Variants in FAM81A observed in about 807,000 individuals in gnomAD.
FAM81A encodes the protein protein FAM81A.
Under a neutral mutation model 46.7 loss-of-function variants are expected in FAM81A, and 19 were observed. The ratio of observed to expected loss-of-function variants is 0.41; its 90% CI spans 0.28 to 0.60. The LOEUF (loss-of-function observed/expected upper bound fraction) is 0.60, where lower values mean the gene tolerates loss of function less well. FAM81A is among the 20% of genes least tolerant of loss of function. The probability of loss-of-function intolerance (pLI) is 0.34; values close to 1 mark genes in which losing one functional copy is unlikely to be tolerated. For synonymous variants in FAM81A, 183 were observed against 152.9 expected (o/e 1.20, Z -1.45); for missense variants, 377 against 453.5 (o/e 0.83, Z 1.53).
At chr15:59,487,319 A>G (rs1241850825) in intron 3 of FAM81A, among the ~76,000 whole-genome samples, 1 of 149,862 alleles carries the variant, frequency 6.7e-6, no homozygotes, top group Non-Finnish European at 1.5e-5. Context: ...AAAAAAGAAG[A>G]AACCTTCAAA....
Position 59,521,242 on chromosome 15 carries a change from C to G in FAM81A, c.983-12C>G, listed in dbSNP as rs368331735. On this transcript the variant is annotated splice_polypyrimidine_tract_variant and intron_variant, in intron 8 of 8. Coordinates refer to ENST00000288228, the MANE Select transcript of FAM81A (RefSeq NM_152450.3). ...AATTGTTAACTGTTGTGAAATTTAC[C>G]TCTCCTTCAAGGGTTTACAGCCGTC... 1 of 1,598,278 alleles carries G rather than the reference C, an allele frequency of 6.3e-7. No homozygotes were observed. The highest frequency in any genetic ancestry group is 1.4e-5 in the African/African-American group (1 of 73,680).
intron 1 of FAM81A, among the ~76,000 whole-genome samples, chr15:59,398,178 TTA>T (rs1273602193): frequency 1.3e-5 from 2 of 152,156 alleles, no homozygotes; most frequent in African/African-American, 4.8e-5. Context: ...CAGATATGAG[TTA>T]TGTTAGGTGA....
chr15:59,465,878 A>T (rs2081606681), intron 3 of FAM81A, among the ~76,000 whole-genome samples: 1 of 151,938 alleles, frequency 6.6e-6, no homozygotes, highest in South Asian at 2.1e-4. Context: ...CCGGTGTGTG[A>T]TGTTCCCTGC....
At chr15:59,490,129 A>AG (rs1284149729) in intron 3 of FAM81A, among the ~76,000 whole-genome samples, 1 of 152,090 alleles carries the variant, frequency 6.6e-6, no homozygotes, top group Non-Finnish European at 1.5e-5. Context: ...AAAAAAAAAA[A>AG]CTTAAATCTA....
chr15:59,401,919 C>CTTTT, intron 1 of FAM81A: 2 of 757,160 alleles, frequency 2.6e-6, no homozygotes, highest in Non-Finnish European at 4.9e-6. Context: ...AGCCTCTCGA[C>CTTTT]TTTCTTTCTT....
intron 1 of FAM81A, 34 bp from the exon 2 acceptor site, chr15:59,458,516 C>T (rs1271258079): frequency 6.7e-7 from 1 of 1,495,306 alleles, no homozygotes; most frequent in Non-Finnish European, 9.2e-7. Flanking sequence ...TAGATATAAA[C>T]TGTTAAATAA....
intron 3 of FAM81A, among the ~76,000 whole-genome samples, chr15:59,465,564 C>T (rs941946857): frequency 2.0e-5 from 3 of 152,184 alleles, no homozygotes; most frequent in African/African-American, 7.2e-5. Flanking sequence ...TGAGCCATTG[C>T]GCCTGGCCCT....
At chr15:59,428,819 T>C (rs2081206682) in intron 2 of FAM81A, among the ~76,000 whole-genome samples, 1 of 151,810 alleles carries the variant, frequency 6.6e-6, no homozygotes, top group African/African-American at 2.4e-5. Context: ...TTAGTAGAGA[T>C]GGGGTTTTGC....
intron 3 of FAM81A, among the ~76,000 whole-genome samples, chr15:59,471,123 A>T (rs545628683): frequency 1.3e-5 from 2 of 152,184 alleles, no homozygotes; most frequent in East Asian, 3.9e-4. Context: ...CTGAGAACAT[A>T]CTTTGTATAT....
chr15:59,492,662 T>A (rs2081993805), intron 4 of FAM81A, among the ~76,000 whole-genome samples: 1 of 152,170 alleles, frequency 6.6e-6, no homozygotes, highest in Admixed American at 6.5e-5. Flanking sequence ...ATAGGGTAAA[T>A]ACTAAGTTTA....
chr15:59,449,943 A>G (rs577007718), intron 1 of FAM81A, among the ~76,000 whole-genome samples: 1 of 150,006 alleles, frequency 6.7e-6, no homozygotes, highest in Non-Finnish European at 1.5e-5. Flanking sequence ...TTTTTGTGAG[A>G]CAAAATCTCA....
At chr15:59,468,291 T>C (rs1048932330) in intron 3 of FAM81A, among the ~76,000 whole-genome samples, 3 of 152,194 alleles carry the variant, frequency 2.0e-5, no homozygotes, top group Admixed American at 6.5e-5. Context: ...TGGTACCAGC[T>C]CCTCTTTGTA....
At chr15:59,501,062 C>A (rs1379284513) in intron 4 of FAM81A, among the ~76,000 whole-genome samples, 4 of 152,028 alleles carry the variant, frequency 2.6e-5, no homozygotes, top group African/African-American at 9.7e-5. Context: ...TCACATTTTC[C>A]TGGCCATTTT....
At chr15:59,507,169 T>C (rs1186327126) in intron 4 of FAM81A, 44 bp from the exon 5 acceptor site, 1 of 1,579,012 alleles carries the variant, frequency 6.3e-7, no homozygotes, top group Non-Finnish European at 8.6e-7. Flanking sequence ...TGCGCATTGT[T>C]TTTAAACTTT....
chr15:59,434,537 A>G (rs772231309), upstream of FAM81A, among the ~76,000 whole-genome samples: 71 of 152,272 alleles, frequency 4.7e-4, 1 homozygote, highest in South Asian at 1.2e-3. Flanking sequence ...GTCCCCTGGA[A>G]ACTTTCTGCC....
At chr15:59,446,889 A>G (rs958367543) in intron 1 of FAM81A, among the ~76,000 whole-genome samples, 1 of 152,142 alleles carries the variant, frequency 6.6e-6, no homozygotes, top group Non-Finnish European at 1.5e-5. Context: ...TTTTAACTAA[A>G]CCATAGTCTT....
intron 2 of FAM81A, chr15:59,406,815 A>G (rs1325930803): frequency 1.3e-5 from 2 of 151,538 alleles, no homozygotes; most frequent in African/African-American, 2.4e-5. Flanking sequence ...TTCAGTTCAG[A>G]GGTGTGCACT....
intron 1 of FAM81A, among the ~76,000 whole-genome samples, chr15:59,452,331 G>A (rs2081428972): frequency 6.6e-6 from 1 of 152,192 alleles, no homozygotes; most frequent in Non-Finnish European, 1.5e-5. Context: ...TCCATTCAGT[G>A]GACTATCACA....
chr15:59,482,502 C>G (rs113405488), intron 3 of FAM81A, among the ~76,000 whole-genome samples: 1 of 152,214 alleles, frequency 6.6e-6, no homozygotes, highest in East Asian at 1.9e-4. Flanking sequence ...CTCCTGACCT[C>G]AGGTGATCCA....
Sources: allele counts gnomAD v4.1 joint callset (sites outside exome capture counted in the v4.1 genomes callset), GRCh38; gene constraint gnomAD v4.1.1; transcripts MANE v1.5; gene names NCBI Gene and HGNC (gene_info 2026-07-23, HGNC 2026-07-21).